The following NOSIP variants were observed in gnomAD, a reference collection of about 807,000 sequenced individuals.
NOSIP encodes nitric oxide synthase-interacting protein.
NOSIP carries 25 observed loss-of-function variants against 36.4 expected under a neutral mutation model. The observed-to-expected ratio is 0.69, with a 90% CI of 0.50 to 0.96. The LOEUF (loss-of-function observed/expected upper bound fraction) is 0.96, where lower values mean the gene tolerates loss of function less well. NOSIP is among the 40% of genes least tolerant of loss of function. The probability of loss-of-function intolerance (pLI) is 0.00; values close to 1 mark genes in which losing one functional copy is unlikely to be tolerated. For synonymous variants in NOSIP, 187 were observed against 179.2 expected (o/e 1.04, Z -0.35); for missense variants, 370 against 429.0 (o/e 0.86, Z 1.21).
At chr19:49,561,255 C>T (rs868696784) in intron 1 of NOSIP, among the ~76,000 whole-genome samples, 4 of 152,246 alleles carry the variant, frequency 2.6e-5, no homozygotes, top group South Asian at 2.1e-4. Flanking sequence ...TCAGATCGAC[C>T]GATCAGAGGG....
At chr19:49,578,343 C>T (rs570021559) in intron 1 of NOSIP, among the ~76,000 whole-genome samples, 20 of 152,166 alleles carry the variant, frequency 1.3e-4, no homozygotes, top group Admixed American at 3.9e-4. Context: ...AGGCTGGTTT[C>T]GAACTCCTGA....
At chr19:49,559,684 C>A (rs1292970144) in intron 3 of NOSIP, 3 of 512,462 alleles carry the variant, frequency 5.9e-6, no homozygotes, top group African/African-American at 3.9e-5. Flanking sequence ...TGAGCTGCTC[C>A]GATGGCCTCG....
chr19:49,574,260 G>A (rs1053923707), intron 1 of NOSIP, among the ~76,000 whole-genome samples: 2 of 152,144 alleles, frequency 1.3e-5, no homozygotes, highest in African/African-American at 4.8e-5. Context: ...TTTTCAGAAT[G>A]GAAGTTTGAT....
chr19:49,559,093 G>T, intron 3 of NOSIP, 115 bp from the exon 4 acceptor site: 2 of 815,906 alleles, frequency 2.5e-6, no homozygotes, highest in South Asian at 2.8e-5. Context: ...TCAATTATTT[G>T]CTAGAATTCA....
At chr19:49,571,800 C>T (rs1163477514) in intron 1 of NOSIP, among the ~76,000 whole-genome samples, 2 of 151,998 alleles carry the variant, frequency 1.3e-5, no homozygotes, top group Non-Finnish European at 2.9e-5. Context: ...TCCAGGCCAA[C>T]ATGGTGAAAC....
chr19:49,571,500 G>C (rs80273146), intron 1 of NOSIP, among the ~76,000 whole-genome samples: 10 of 152,098 alleles, frequency 6.6e-5, no homozygotes, highest in Admixed American at 6.6e-4. Flanking sequence ...TTTCAGAGAG[G>C]AAACAGGCAA....
chr19:49,578,231 C>T (rs903434612), intron 1 of NOSIP, among the ~76,000 whole-genome samples: 4 of 151,840 alleles, frequency 2.6e-5, no homozygotes, highest in Non-Finnish European at 4.4e-5. Flanking sequence ...TCAAGCAATT[C>T]TCCTGCCTCA....
At chr19:49,563,668 T>C (rs1367119657) in intron 1 of NOSIP, among the ~76,000 whole-genome samples, 1 of 151,958 alleles carries the variant, frequency 6.6e-6, no homozygotes, top group African/African-American at 2.4e-5. Context: ...TAATTTTTTG[T>C]ATTTTTAGTA....
In NOSIP at chr19:49,560,815, G is replaced by A; in HGVS notation, c.-1-123C>T. 2.6e-6 allele frequency: 2 copies of A among 769,814 alleles called. No homozygotes were observed. The highest frequency in any genetic ancestry group is 4.4e-6 in the Non-Finnish European group (2 of 455,078). The allele number at this position is 769,814 out of a possible 1,614,324, so 47.7% of individuals were successfully genotyped here. A position where few individuals can be genotyped will look rare whatever the true frequency, so the allele number is the denominator to read the frequency against. ...GGGAAAGCGGAGGCGGAGAAGGGGGGTGAGGTGGAAGAGAGGGAGGGCATG... is the reference window on the plus strand; with the variant it reads ...GGGAAAGCGGAGGCGGAGAAGGGGGATGAGGTGGAAGAGAGGGAGGGCATG... On this transcript the variant is annotated intron_variant, in intron 1 of 8. Transcript: ENST00000596358. The surrounding 1 kb of genome is among the most constrained non-coding windows in gnomAD (Gnocchi z 4.6).
chr19:49,578,360 A>G (rs910771102), intron 1 of NOSIP, among the ~76,000 whole-genome samples: 8 of 152,058 alleles, frequency 5.3e-5, no homozygotes, highest in African/African-American at 1.9e-4. Context: ...CTGACCTCAG[A>G]TGATCCACCT....
intron 4 of NOSIP, 178 bp from the exon 5 acceptor site, chr19:49,557,427 A>G (rs1490220484): frequency 7.0e-7 from 1 of 1,425,384 alleles, no homozygotes; most frequent in African/African-American, 1.4e-5. Flanking sequence ...GTATAGCCAG[A>G]CTGCCAGGGC....
At chr19:49,580,073 G>C (rs1173846515) in intron 1 of NOSIP, among the ~76,000 whole-genome samples, 1 of 150,726 alleles carries the variant, frequency 6.6e-6, no homozygotes. Flanking sequence ...GGCGATGGAT[G>C]ACTGCACAAT....
intron 1 of NOSIP, among the ~76,000 whole-genome samples, chr19:49,564,478 A>C (rs914213645): frequency 6.7e-6 from 1 of 148,664 alleles, no homozygotes; most frequent in African/African-American, 2.5e-5. Flanking sequence ...AAAAAAAAAC[A>C]AAATAAAACT....
intron 1 of NOSIP, among the ~76,000 whole-genome samples, chr19:49,562,530 G>A (rs902484717): frequency 2.0e-5 from 3 of 152,160 alleles, no homozygotes; most frequent in Non-Finnish European, 2.9e-5. Flanking sequence ...TTGAGCCCAG[G>A]AGATGGAGAT....
chr19:49,563,610 C>G (rs2080364583), intron 1 of NOSIP, among the ~76,000 whole-genome samples: 1 of 152,012 alleles, frequency 6.6e-6, no homozygotes, highest in African/African-American at 2.4e-5. Context: ...TCTCCTGCCT[C>G]AGCCTCCTAA....
rs1432161026 is a variant in NOSIP at position 49,556,587 on chromosome 19, G to A, written c.687C>T (p.Ser229=). The A allele has an allele frequency of 1.2e-6, 2 of 1,606,236 alleles. No individual in the cohort carries two copies. The highest frequency in any genetic ancestry group is 1.7e-6 in the Non-Finnish European group (2 of 1,179,434). Reference sequence around the variant, plus strand: ...CAGCGCAGGGGGTGGCGTTGCTCAGGCTGTCGCGGGTCACGGCACACACGT... The same window carrying A: ...CAGCGCAGGGGGTGGCGTTGCTCAGACTGTCGCGGGTCACGGCACACACGT... ...ERYVCAVTRD[S]LSNATPCAVL... Residue 229 remains serine (S), a synonymous_variant, in exon 7 of 9, where the codon AGC becomes AGT. Coordinates refer to ENST00000596358, the MANE Select transcript of NOSIP (RefSeq NM_001270960.2).
intron 1 of NOSIP, among the ~76,000 whole-genome samples, chr19:49,575,508 A>C (rs148356584): frequency 0.011 from 1,653 of 152,320 alleles, 27 homozygotes; most frequent in Admixed American, 0.041. Flanking sequence ...GCAGTATGCA[A>C]CATGAAGCGA....
chr19:49,568,798 G>GGTTT (rs2080444720), intron 1 of NOSIP, among the ~76,000 whole-genome samples: 1 of 106,908 alleles, frequency 9.4e-6, no homozygotes, highest in Non-Finnish European at 1.6e-5. Context: ...AAAAAAAATA[G>GGTTT]TTTGTTTGTT....
chr19:49,557,918 T>C (rs760841677), intron 4 of NOSIP: 9 of 987,366 alleles, frequency 9.1e-6, no homozygotes, highest in Non-Finnish European at 9.6e-6. Flanking sequence ...CCAGGCTGTG[T>C]GGAGGACATG....
Sources: gnomAD v4.1 joint callset for allele counts (sites outside exome capture counted in the v4.1 genomes callset) on GRCh38, gnomAD v4.1.1 for gene constraint, Gnocchi (gnomAD v3.1) non-coding constraint, MANE v1.5 for transcripts, NCBI Gene and HGNC (gene_info 2026-07-23, HGNC 2026-07-21) for gene names.